CA9: variants seen among roughly 807,000 people sequenced by gnomAD.
CA9 encodes CA-IX.
In CA9, 43 loss-of-function variants were observed where a neutral mutation model predicts 51.8. The observed-to-expected ratio is 0.83, with a 90% CI of 0.65 to 1.07. The LOEUF is 1.07. Among genes scored for constraint, CA9 ranks in the 50% least tolerant of loss-of-function variants. The pLI is 0.00. For missense variants in CA9, 574 were observed against 581.4 expected, an observed-to-expected ratio of 0.99 and a Z score of 0.13; for synonymous variants, 253 against 244.2, an observed-to-expected ratio of 1.04 and a Z score of -0.34.
In CA9 at chr9:35,680,274, G is replaced by A. The variant is rs1436671943; in HGVS notation, c.1237+135G>A. 4 of 970,588 alleles carry A rather than the reference G, an allele frequency of 4.1e-6. No homozygotes were observed. The Admixed American group carries it at 7.7e-5, about 19-fold the overall frequency. The allele number at this position is 970,588 out of a possible 1,614,324, so 60.1% of individuals were successfully genotyped here. A position where few individuals can be genotyped will look rare whatever the true frequency, so the allele number is the denominator to read the frequency against. On this transcript the variant is annotated intron_variant, in intron 9 of 10. Coordinates refer to ENST00000378357, the MANE Select transcript of CA9 (RefSeq NM_001216.3). Reference sequence around the variant, plus strand: ...CCCCAACCCCAATATTAGAGAGGCAGATCATGGTGGGGATTCCCCCATTGT... The same window carrying A: ...CCCCAACCCCAATATTAGAGAGGCAAATCATGGTGGGGATTCCCCCATTGT...
intron 7 of CA9, 25 bp from the exon 8 acceptor site, chr9:35,679,829 C>T (rs1223194677): frequency 1.3e-6 from 2 of 1,571,384 alleles, no homozygotes; most frequent in African/African-American, 1.4e-5. Context: ...ATGAACCCAC[C>T]CACACTGTCC....
intron 5 of CA9, among the ~76,000 whole-genome samples, chr9:35,676,626 G>GA (rs1824429948): frequency 6.6e-6 from 1 of 152,196 alleles, no homozygotes. Context: ...GGGGGAGGCT[G>GA]ACATGACAGA....
intron 1 of CA9, chr9:35,674,737 G>C (rs2131834237): frequency 1.2e-4 from 21 of 169,888 alleles, no homozygotes; most frequent in Non-Finnish European, 1.9e-4. Flanking sequence ...GGGAGGTGAA[G>C]TGGGTACCAG....
chr9:35,676,282 TCGTGTCCTTTTCAGATCCA>T lies in CA9; in HGVS notation c.748-10_756del. On this transcript the variant is annotated splice_acceptor_variant and splice_polypyrimidine_tract_variant and coding_sequence_variant and intron_variant, in exon 5 of 11. Transcript: ENST00000378357. LOFTEE classifies it high-confidence loss of function. ...CCAGAGACGTGGCCCTCTCCTACCC[TCGTGTCCTTTTCAGATCCA>T]CGTGGTTCACCTCAGCACCGCCTTT... 6.2e-7 allele frequency: 1 copy of T among 1,614,008 alleles called. No homozygotes were observed. The highest frequency in any genetic ancestry group is 8.5e-7 in the Non-Finnish European group (1 of 1,179,994).
In CA9 at chr9:35,675,566, A is replaced by G; in HGVS notation, c.432A>G (p.Gly144=). Reference sequence around the variant, plus strand: ...ATGACCAGAGTCATTGGCGCTATGGAGGTGAGACACCCACCCGCTGCACAG... The same window carrying G: ...ATGACCAGAGTCATTGGCGCTATGGGGGTGAGACACCCACCCGCTGCACAG... The part of the protein sequence containing the change: ...EGDDQSHWRY[G]GDPPWPRVSP... The change falls in exon 2 of 11, where the codon GGA becomes GGG. Residue 144 remains glycine, a splice_region_variant and synonymous_variant. Transcript: ENST00000378357. 1 of 1,614,016 alleles carries G rather than the reference A, an allele frequency of 6.2e-7. No individual in the cohort carries two copies. The highest frequency in any genetic ancestry group is 1.1e-5 in the South Asian group (1 of 91,066).
At chr9:35,675,015 A>C in intron 1 of CA9, 1 of 151,714 alleles carries the variant, frequency 6.6e-6, no homozygotes. Flanking sequence ...TTTGAGACAA[A>C]CTTTCACTTT....
chr9:35,680,057 C>T, intron 8 of CA9, 56 bp from the exon 9 acceptor site: 1 of 1,614,180 alleles, frequency 6.2e-7, no homozygotes. Context: ...ATGTGTGTGC[C>T]AGTGTCTGTC....
At chr9:35,676,543 G>C (rs1172268182) in intron 5 of CA9, among the ~76,000 whole-genome samples, 154 bp downstream of exon 5, 1 of 152,184 alleles carries the variant, frequency 6.6e-6, no homozygotes, top group Non-Finnish European at 1.5e-5. Context: ...AACACCCACT[G>C]TGAACCAGGC....
Position 35,676,278 on chromosome 9 carries a change from A to T in CA9, c.748-19A>T. The T allele has an allele frequency of 6.2e-7, 1 of 1,613,912 alleles. No individual in the cohort carries two copies. Among genetic ancestry groups the T allele is most frequent in the African/African-American group, 1.3e-5 (1 of 75,028 alleles). ...GGGGCCAGAGACGTGGCCCTCTCCT[A>T]CCCTCGTGTCCTTTTCAGATCCACG... On this transcript the variant is annotated intron_variant, in intron 4 of 10. Coordinates refer to ENST00000378357, the MANE Select transcript of CA9 (RefSeq NM_001216.3).
Position 35,675,776 on chromosome 9 carries a change from C to T in CA9, c.449C>T (p.Pro150Leu). The T allele has an allele frequency of 6.2e-7, 1 of 1,602,454 alleles. No individual in the cohort carries two copies. Among genetic ancestry groups the T allele is most frequent in the Non-Finnish European group, 8.5e-7 (1 of 1,178,934 alleles). The change falls in exon 3 of 11, where the codon CCC becomes CTC. Residue 150 changes from proline (P) to leucine (L), a missense_variant. Physicochemically the swap from Pro to Leu is moderately conservative, Grantham distance 98. Transcript: ENST00000378357. ...CCCACCCCAGGCGACCCGCCCTGGC[C>T]CCGGGTGTCCCCAGCCTGCGCGGGC... ...HWRYGGDPPW[P>L]RVSPACAGRF...
intron 9 of CA9, among the ~76,000 whole-genome samples, chr9:35,680,368 C>T (rs1824518300): frequency 6.6e-6 from 1 of 151,994 alleles, no homozygotes; most frequent in Non-Finnish European, 1.5e-5. Context: ...AAACAATCCC[C>T]CCCCTTTTTT....
chr9:35,679,579 G>A (rs867838560), intron 7 of CA9, among the ~76,000 whole-genome samples: 64 of 152,120 alleles, frequency 4.2e-4, no homozygotes, highest in Admixed American at 2.0e-4. Flanking sequence ...AAAAATAGCC[G>A]GGCATGGTGG....
chr9:35,680,088 T>C (rs1395692363), intron 8 of CA9, 25 bp from the exon 9 acceptor site: 2 of 1,614,038 alleles, frequency 1.2e-6, no homozygotes, highest in African/African-American at 2.7e-5. Flanking sequence ...ACAGCCCGCC[T>C]CTCACATCTC....
In CA9 at chr9:35,679,893, T is replaced by A. The variant is rs1480306500; in HGVS notation, c.1105T>A (p.Ser369Thr). The A allele has an allele frequency of 3.7e-6, 6 of 1,613,008 alleles. No individual in the cohort carries two copies. In the Admixed American group the frequency reaches 1.0e-4, roughly 27 times the overall value. The change falls in exon 8 of 11, where the codon TCT (serine) becomes ACT (threonine). Residue 369 changes from serine (S) to threonine (T), a missense_variant. By Grantham distance (58) the Ser-to-Thr change is moderately conservative. Coordinates refer to ENST00000378357, the MANE Select transcript of CA9 (RefSeq NM_001216.3). Reference sequence around the variant, plus strand: ...TGACACCCTGTGGGGACCTGGTGACTCTCGGCTACAGCTGAACTTCCGAGC... The same window carrying A: ...TGACACCCTGTGGGGACCTGGTGACACTCGGCTACAGCTGAACTTCCGAGC... ...LSDTLWGPGD[S>T]RLQLNFRATQ...
chr9:35,676,052 C>T lies in CA9; in HGVS notation c.605-12C>T. 2.5e-6 allele frequency: 4 copies of T among 1,612,666 alleles called. No individual in the cohort carries two copies. Among genetic ancestry groups the T allele is most frequent in the Non-Finnish European group, 2.5e-6 (3 of 1,179,646 alleles). The stretch of plus-strand genomic sequence containing the variant: ...CCGGGCGGGGCCGGCTCACTTGCCT[C>T]TCCCTACGCAGTGCAACTGACCCTG... On this transcript the variant is annotated splice_polypyrimidine_tract_variant and intron_variant, in intron 3 of 10. Coordinates refer to ENST00000378357, the MANE Select transcript of CA9 (RefSeq NM_001216.3).
Position 35,679,345 on chromosome 9 carries a change from G to A in CA9, c.1065+3G>A, listed in dbSNP as rs201939941. The A allele has an allele frequency of 1.4e-4, 233 of 1,610,892 alleles. No individual in the cohort carries two copies. The East Asian group carries it at 4.1e-3, about 28-fold the overall frequency. ...CAGTGATGCTGAGTGCTAAGCAGGTGGGCCTGGGGTGTGTGTGGACACAGT... is the reference window on the plus strand; with the variant it reads ...CAGTGATGCTGAGTGCTAAGCAGGTAGGCCTGGGGTGTGTGTGGACACAGT... On this transcript the variant is annotated splice_donor_region_variant and intron_variant, in intron 7 of 10. Coordinates refer to ENST00000378357, the MANE Select transcript of CA9 (RefSeq NM_001216.3).
At chr9:35,675,441 T>C in intron 1 of CA9, 97 bp from the exon 2 acceptor site, 1 of 1,375,130 alleles carries the variant, frequency 7.3e-7, no homozygotes, top group Non-Finnish European at 1.0e-6. Context: ...TTACCCGTAA[T>C]GCTCCTGTAA....
At chr9:35,679,430 G>A in intron 7 of CA9, 88 bp downstream of exon 7, 2 of 1,497,950 alleles carry the variant, frequency 1.3e-6, no homozygotes, top group South Asian at 2.6e-5. Context: ...AGAAATCAAG[G>A]CTGGGCTCTG....
At chr9:35,678,327 C>A (rs1325981917) in intron 6 of CA9, among the ~76,000 whole-genome samples, 1 of 130,666 alleles carries the variant, frequency 7.7e-6, no homozygotes, top group Non-Finnish European at 1.6e-5. Flanking sequence ...GCCTGGGCAA[C>A]AGAGCGAGAC....
Sources: allele counts gnomAD v4.1 joint callset (sites outside exome capture counted in the v4.1 genomes callset), GRCh38; gene constraint gnomAD v4.1.1; transcripts MANE v1.5; gene names NCBI Gene and HGNC (gene_info 2026-07-23, HGNC 2026-07-21).